The following ADAMTSL3 variants were observed in gnomAD, a reference collection of about 807,000 sequenced individuals.
ADAMTSL3 encodes the protein ADAMTS-like protein 3.
In ADAMTSL3, 128 loss-of-function variants were observed where a neutral mutation model predicts 201.7. That is an observed-to-expected ratio of 0.63 (90% CI 0.55 to 0.73). The LOEUF is 0.73. Ranked by LOEUF, ADAMTSL3 falls within the 30% of genes least tolerant of loss-of-function variation. ADAMTSL3 has a pLI of 0.00. For synonymous variants in ADAMTSL3, 738 were observed against 748.4 expected (o/e 0.99, Z 0.23); for missense variants, 1,990 against 2,119.6 (o/e 0.94, Z 1.20).
At chr15:83,698,905 A>T (rs555873328) in intron 2 of ADAMTSL3, among the ~76,000 whole-genome samples, 1 of 152,002 alleles carries the variant, frequency 6.6e-6, no homozygotes, top group Non-Finnish European at 1.5e-5. Context: ...TTGACGCTAA[A>T]TCTTCCCATG....
At position 83,654,969 on chromosome 15, in the gene ADAMTSL3, G is replaced by A. The variant is rs1002278998; in HGVS notation, c.-34+693G>A. Among the ~76,000 whole-genome samples, 3 of 151,504 alleles carry A rather than the reference G, an allele frequency of 2.0e-5. No homozygotes were observed. The highest frequency in any genetic ancestry group is 4.4e-5 in the Non-Finnish European group (3 of 67,526). On this transcript the variant is annotated intron_variant, in intron 1 of 29. Coordinates refer to ENST00000286744, the MANE Select transcript of ADAMTSL3 (RefSeq NM_207517.3). The surrounding 1 kb of genome is among the most constrained non-coding windows in gnomAD (Gnocchi z 5.3). ...CCCCGGACACCAGCTCCGCCAAGGC[G>A]CCCGCGAGGCGAAGCGGGAGTCGAG... is the stretch of plus-strand genomic sequence containing the variant.
intron 7 of ADAMTSL3, among the ~76,000 whole-genome samples, chr15:83,853,047 G>A (rs1034544985): frequency 2.0e-5 from 3 of 152,078 alleles, no homozygotes; most frequent in Non-Finnish European, 4.4e-5. Context: ...TAGAAATGGG[G>A]TTTCGCCATG....
intron 27 of ADAMTSL3, among the ~76,000 whole-genome samples, chr15:84,028,314 A>G (rs932659610): frequency 6.6e-6 from 1 of 152,252 alleles, no homozygotes; most frequent in Non-Finnish European, 1.5e-5. Context: ...TAAGAAAAAT[A>G]AGTAAAATCA....
chr15:83,712,647 C>T (rs1273284003), intron 3 of ADAMTSL3, among the ~76,000 whole-genome samples: 1 of 152,196 alleles, frequency 6.6e-6, no homozygotes, highest in Non-Finnish European at 1.5e-5. Flanking sequence ...ACACTTGGAG[C>T]AATTTCTGTT....
intron 7 of ADAMTSL3, among the ~76,000 whole-genome samples, chr15:83,857,740 T>G (rs60538705): frequency 2.6e-4 from 40 of 152,328 alleles, no homozygotes; most frequent in African/African-American, 8.9e-4. Context: ...TAATAAAAAC[T>G]TGCAAACTAG....
chr15:83,902,517 G>A (rs1244939634), intron 15 of ADAMTSL3, among the ~76,000 whole-genome samples: 21 of 152,110 alleles, frequency 1.4e-4, no homozygotes, highest in Admixed American at 6.5e-4. Flanking sequence ...TGATCCACCC[G>A]CCTCAGCCCC....
chr15:83,683,252 G>A (rs2061497153), intron 2 of ADAMTSL3, among the ~76,000 whole-genome samples: 1 of 152,042 alleles, frequency 6.6e-6, no homozygotes, highest in Non-Finnish European at 1.5e-5. Context: ...AAATAGTGTG[G>A]CCAATTGTGT....
At chr15:83,743,146 A>G (rs937086633) in intron 3 of ADAMTSL3, among the ~76,000 whole-genome samples, 1 of 152,118 alleles carries the variant, frequency 6.6e-6, no homozygotes, top group African/African-American at 2.4e-5. Context: ...TCATCATCCC[A>G]TTTTTATCCC....
chr15:83,836,573 C>A (rs1016311385), intron 6 of ADAMTSL3, among the ~76,000 whole-genome samples: 2 of 152,164 alleles, frequency 1.3e-5, no homozygotes, highest in African/African-American at 4.8e-5. Flanking sequence ...GATTCAACAA[C>A]TCTCCAAGCT....
intron 3 of ADAMTSL3, among the ~76,000 whole-genome samples, chr15:83,772,534 T>G (rs2063001409): frequency 6.6e-6 from 1 of 152,178 alleles, no homozygotes; most frequent in Non-Finnish European, 1.5e-5. Flanking sequence ...CTCTTCCCTA[T>G]TTTCTTGGAT....
chr15:83,796,003 A>G (rs2063419745), intron 4 of ADAMTSL3, among the ~76,000 whole-genome samples: 1 of 152,204 alleles, frequency 6.6e-6, no homozygotes, highest in Admixed American at 6.5e-5. Context: ...TATTGATGCA[A>G]AAGTAGCAGT....
chr15:83,744,921 C>T (rs1250023663), intron 3 of ADAMTSL3, among the ~76,000 whole-genome samples: 6 of 152,156 alleles, frequency 3.9e-5, no homozygotes, highest in African/African-American at 7.2e-5. Flanking sequence ...CATAAGAGGG[C>T]GGGTCCCTGG....
At chr15:83,687,303 A>G (rs1249699314) in intron 2 of ADAMTSL3, among the ~76,000 whole-genome samples, 1 of 152,242 alleles carries the variant, frequency 6.6e-6, no homozygotes, top group Non-Finnish European at 1.5e-5. Context: ...TTATTTCAAC[A>G]TGTAATCAGT....
At chr15:83,884,357 T>C (rs1366273353) in intron 9 of ADAMTSL3, among the ~76,000 whole-genome samples, 1 of 148,726 alleles carries the variant, frequency 6.7e-6, no homozygotes, top group African/African-American at 2.5e-5. Flanking sequence ...TTTTTTTTTT[T>C]TTTGAGACAG....
chr15:83,675,801 T>A (rs1297324568), intron 2 of ADAMTSL3, among the ~76,000 whole-genome samples: 1 of 152,082 alleles, frequency 6.6e-6, no homozygotes, highest in Admixed American at 6.6e-5. Flanking sequence ...AGGTTATCTA[T>A]TTTATATTGA....
At chr15:83,718,216 C>G (rs566516939) in intron 3 of ADAMTSL3, among the ~76,000 whole-genome samples, 15 of 152,096 alleles carry the variant, frequency 9.9e-5, no homozygotes, top group Admixed American at 2.6e-4. Flanking sequence ...CATGGTCTCT[C>G]AACACCATAT....
chr15:83,709,459 AGTTTTGTC>A (rs1477800291), intron 3 of ADAMTSL3, among the ~76,000 whole-genome samples: 40 of 152,030 alleles, frequency 2.6e-4, no homozygotes, highest in Admixed American at 2.6e-3. Flanking sequence ...GTGGTTTTGG[AGTTTTGTC>A]CCATAGAGGA....
intron 2 of ADAMTSL3, among the ~76,000 whole-genome samples, chr15:83,678,297 A>G (rs910326041): frequency 1.3e-5 from 2 of 152,012 alleles, no homozygotes; most frequent in African/African-American, 2.4e-5. Flanking sequence ...TCTTTTTGGA[A>G]CACTTCTTTT....
intron 9 of ADAMTSL3, among the ~76,000 whole-genome samples, chr15:83,884,085 G>T (rs989824392): frequency 5.3e-5 from 8 of 151,084 alleles, no homozygotes; most frequent in Non-Finnish European, 1.0e-4. Context: ...GTAGAGACCA[G>T]GTTTGCCATG....
Sources: gnomAD v4.1 joint callset for allele counts (sites outside exome capture counted in the v4.1 genomes callset) on GRCh38, gnomAD v4.1.1 for gene constraint, Gnocchi (gnomAD v3.1) non-coding constraint, MANE v1.5 for transcripts, NCBI Gene and HGNC (gene_info 2026-07-23, HGNC 2026-07-21) for gene names.